ZNF76: variants seen among roughly 807,000 people sequenced by gnomAD.
The protein encoded by ZNF76 is zinc finger protein 523.
ZNF76 carries 66 observed loss-of-function variants against 66.9 expected under a neutral mutation model. The observed-to-expected ratio is 0.99, with a 90% confidence interval of 0.81 to 1.21. ZNF76 has a LOEUF of 1.21. ZNF76 is among the 50% of genes most tolerant of loss of function. ZNF76 has a pLI of 0.00. For synonymous variants in ZNF76, 275 were observed against 296.1 expected, an observed-to-expected ratio of 0.93 and a Z score of 0.73; for missense variants, 729 against 760.3, an observed-to-expected ratio of 0.96 and a Z score of 0.48.
intron 2 of ZNF76, among the ~76,000 whole-genome samples, chr6:35,282,772 G>A (rs969021300): frequency 6.6e-6 from 1 of 152,140 alleles, no homozygotes; most frequent in African/African-American, 2.4e-5. Flanking sequence ...ATTTTAAGTT[G>A]TCTGTTTCCT....
At position 35,295,133 on chromosome 6, in the gene ZNF76, C is replaced by G. The variant is rs1791016115; in HGVS notation, c.1609-11C>G. 1.2e-6 allele frequency: 2 copies of G among 1,606,334 alleles called. No homozygotes were observed. Among genetic ancestry groups the G allele is most frequent in the Non-Finnish European group, 8.5e-7 (1 of 1,175,322 alleles). ...CACTGTCTCCTTCCTTCTGCACCCC[C>G]TTCCCCACAGCTGGAGGAACAGCAG... On this transcript the variant is annotated splice_polypyrimidine_tract_variant and intron_variant, in intron 13 of 13. Coordinates refer to ENST00000373953, the MANE Select transcript of ZNF76 (RefSeq NM_003427.5).
rs779533753 is a variant in ZNF76, at chr6:35,293,087, C to A, written c.1329+43C>A. On this transcript the variant is annotated intron_variant, in intron 11 of 13. Transcript: ENST00000373953. ...CAGAGGTGCCATACTAGCTGGCACT[C>A]TCCACTCTCTCTGGGGACTCTGGGA... 3.1e-6 allele frequency: 5 copies of A among 1,595,510 alleles called. No individual in the cohort carries two copies. The African/African-American group carries it at 6.7e-5, about 21-fold the overall frequency.
intron 1 of ZNF76, among the ~76,000 whole-genome samples, chr6:35,276,145 G>A (rs1345367483): frequency 2.0e-5 from 3 of 152,130 alleles, no homozygotes; most frequent in Admixed American, 2.0e-4. Context: ...AGTTAATATA[G>A]GTAAGGTGCT....
chr6:35,292,798 T>TGGGCAGA lies in ZNF76; in HGVS notation c.1165+15_1165+21dup. 6.2e-7 allele frequency: 1 copy of TGGGCAGA among 1,613,374 alleles called. No homozygotes were observed. Reference sequence around the variant, plus strand: ...AGCAGCAACTTGAGGGTAAGGGGAGTGGGCAGAGGGTGAGAGTGGGGACAA... The same window carrying TGGGCAGA: ...AGCAGCAACTTGAGGGTAAGGGGAGTGGGCAGAGGGCAGAGGGTGAGAGTGGGGACAA... On this transcript the variant is annotated intron_variant, in intron 10 of 13. Transcript: ENST00000373953. This position sits in a 1 kb window ranked among gnomAD's most constrained non-coding sequence, Gnocchi z 4.7.
chr6:35,273,462 T>C (rs62403575), intron 1 of ZNF76, among the ~76,000 whole-genome samples: 119,146 of 151,330 alleles, frequency 0.79, 47,540 homozygotes, highest in Non-Finnish European at 0.85. Flanking sequence ...CGTGAGCCAC[T>C]GCACCTGGCC....
At position 35,280,377 on chromosome 6, in the gene ZNF76, G is replaced by T. The variant is rs1270788353; in HGVS notation, c.-96-679G>T. On this transcript the variant is annotated intron_variant, in intron 1 of 13. Transcript: ENST00000373953. ...TTTGTCTCTAAAAAAGGAAAGAAAA[G>T]AAAATGAATTGGAAACAGACAAAAG... Among the ~76,000 whole-genome samples the T allele has an allele frequency of 3.3e-5, 5 of 152,218 alleles. No individual in the cohort carries two copies. The South Asian group carries it at 6.2e-4, about 19-fold the overall frequency.
chr6:35,286,259 C>A, intron 3 of ZNF76, 51 bp downstream of exon 3: 1 of 1,613,008 alleles, frequency 6.2e-7, no homozygotes. Context: ...CTGACAGCCC[C>A]CACCAAGGGA....
At position 35,290,288 on chromosome 6, in the gene ZNF76, C is replaced by T. The variant is rs368958147; in HGVS notation, c.455C>T (p.Pro152Leu). The T allele has an allele frequency of 6.2e-7, 1 of 1,614,152 alleles. No homozygotes were observed. Residue 152 changes from proline to leucine, a missense_variant, in exon 6 of 14, where the codon CCC (proline) becomes CTC (leucine). Coordinates refer to ENST00000373953, the MANE Select transcript of ZNF76 (RefSeq NM_003427.5). ...ASKVLHDSQI[P>L]RNGKGQQVGD... ...CAGGTTCTTCATGACAGCCAGATTCCCCGTAATGGAAAAGGGCAGCAAGTT... is the reference window on the plus strand; with the variant it reads ...CAGGTTCTTCATGACAGCCAGATTCTCCGTAATGGAAAAGGGCAGCAAGTT...
chr6:35,261,268 A>G (rs1235177991), intron 1 of ZNF76, among the ~76,000 whole-genome samples: 1 of 152,182 alleles, frequency 6.6e-6, no homozygotes, highest in East Asian at 1.9e-4. Context: ...CTAGGGATTT[A>G]ACAGACTGAA....
At chr6:35,266,797 C>CTTTTTTTTTTTTTTTTTTT (rs57833954) in intron 1 of ZNF76, among the ~76,000 whole-genome samples, 2 of 93,280 alleles carry the variant, frequency 2.1e-5, no homozygotes, top group Non-Finnish European at 3.8e-5. Flanking sequence ...TTGTCTATTT[C>CTTTTTTTTTTTTTTTTTTT]TTTTTTTTTT....
rs534023907 is a variant in ZNF76 at position 35,285,900 on chromosome 6, G to A, written c.74-228G>A. Among the ~76,000 whole-genome samples the A allele has an allele frequency of 5.5e-4, 70 of 127,300 alleles. 5 individuals carry two copies. Among genetic ancestry groups the A allele is most frequent in the Middle Eastern group, 7.5e-3 (2 of 266 alleles). 83.5% of individuals were successfully genotyped at this position (127,300 alleles called of 152,430 possible). On this transcript the variant is annotated intron_variant, in intron 2 of 13. Transcript: ENST00000373953. Reference sequence around the variant, plus strand: ...TTATTCCTCCTGTTAGTAACTGGAAGGGAATCTGTTGGGAGGTGATGGGTT... The same window carrying A: ...TTATTCCTCCTGTTAGTAACTGGAAAGGAATCTGTTGGGAGGTGATGGGTT...
chr6:35,284,490 C>G (rs751949325), intron 2 of ZNF76, among the ~76,000 whole-genome samples: 108 of 151,854 alleles, frequency 7.1e-4, no homozygotes, highest in Admixed American at 2.0e-3. Context: ...CCTCCGCCTC[C>G]CGGGTTCAAG....
chr6:35,260,644 T>A (rs1785105985), intron 1 of ZNF76, among the ~76,000 whole-genome samples: 2 of 152,126 alleles, frequency 1.3e-5, no homozygotes, highest in Non-Finnish European at 2.9e-5. Flanking sequence ...ATCCAGTCAA[T>A]CCAGTGTGTG....
At chr6:35,268,329 C>T (rs1444230099) in intron 1 of ZNF76, among the ~76,000 whole-genome samples, 2 of 152,084 alleles carry the variant, frequency 1.3e-5, no homozygotes, top group African/African-American at 2.4e-5. Context: ...TAGATGTCTA[C>T]GTTTATATCG....
rs1789677928 is a variant in ZNF76, at chr6:35,287,113, G to A, written c.233-533G>A. Among the ~76,000 whole-genome samples the A allele has an allele frequency of 1.3e-5, 2 of 152,138 alleles. No individual in the cohort carries two copies. The highest frequency in any genetic ancestry group is 4.8e-5 in the African/African-American group (2 of 41,418). On this transcript the variant is annotated intron_variant, in intron 4 of 13. Coordinates refer to ENST00000373953, the MANE Select transcript of ZNF76 (RefSeq NM_003427.5). The surrounding 1 kb of genome is among the most constrained non-coding windows in gnomAD (Gnocchi z 4.0). ...GGGAAGAAAGAACAGCACATTCCAG[G>A]AACTGCTAGGAGCTAGAGCCCTGGG...
In ZNF76 at chr6:35,287,600, C is replaced by G. The variant is rs1295373114; in HGVS notation, c.233-46C>G. 6.5e-7 allele frequency: 1 copy of G among 1,540,858 alleles called. No homozygotes were observed. Among genetic ancestry groups the G allele is most frequent in the Non-Finnish European group, 8.8e-7 (1 of 1,137,670 alleles). Reference sequence around the variant, plus strand: ...CTTAAAGCTAGGGTCCCAGCTGTATCTCTTCCCCTTGTGTGGCATCAGGGC... The same window carrying G: ...CTTAAAGCTAGGGTCCCAGCTGTATGTCTTCCCCTTGTGTGGCATCAGGGC... On this transcript the variant is annotated intron_variant, in intron 4 of 13. Transcript: ENST00000373953. The surrounding 1 kb of genome is among the most constrained non-coding windows in gnomAD (Gnocchi z 4.0).
chr6:35,281,301 C>T (rs1365879850), intron 2 of ZNF76, 77 bp downstream of exon 2: 1 of 1,411,610 alleles, frequency 7.1e-7, no homozygotes, highest in Non-Finnish European at 1.0e-6. Flanking sequence ...CTAAGAGTCC[C>T]ACCATCACCT....
intron 1 of ZNF76, among the ~76,000 whole-genome samples, chr6:35,278,493 A>G (rs965095982): frequency 6.6e-6 from 1 of 152,250 alleles, no homozygotes; most frequent in African/African-American, 2.4e-5. Context: ...TGACATCTGC[A>G]ATGTGAACTT....
At position 35,291,258 on chromosome 6, in the gene ZNF76, T is replaced by G; in HGVS notation, c.626-20T>G. The G allele has an allele frequency of 6.3e-7, 1 of 1,594,430 alleles. No homozygotes were observed. Among genetic ancestry groups the G allele is most frequent in the Non-Finnish European group, 8.5e-7 (1 of 1,170,244 alleles). ...CCCACTGGGTGCTCATCTCACCCCC[T>G]GCCTGCCACATATGGACAGGCTATG... On this transcript the variant is annotated intron_variant, in intron 7 of 13. Transcript: ENST00000373953.
Sources: gnomAD v4.1 joint callset for allele counts (sites outside exome capture counted in the v4.1 genomes callset) on GRCh38, gnomAD v4.1.1 for gene constraint, Gnocchi (gnomAD v3.1) non-coding constraint, MANE v1.5 for transcripts, NCBI Gene and HGNC (gene_info 2026-07-23, HGNC 2026-07-21) for gene names.